The following ACTR6 variants were observed in gnomAD, a reference collection of about 807,000 sequenced individuals.
The protein encoded by ACTR6 is actin related protein 6.
Under a neutral mutation model 52.5 loss-of-function variants are expected in ACTR6, and 50 were observed. The ratio of observed to expected loss-of-function variants is 0.95; its 90% CI spans 0.76 to 1.20. ACTR6 has a LOEUF of 1.20. Ranked by LOEUF, ACTR6 falls within the 50% of genes most tolerant of loss-of-function variation. ACTR6 has a pLI of 0.00. For synonymous variants in ACTR6, 135 were observed against 147.2 expected (o/e 0.92, Z 0.60); for missense variants, 344 against 472.4 (o/e 0.73, Z 2.52).
chr12:100,219,687 A>G (rs1425720930), intron 9 of ACTR6, among the ~76,000 whole-genome samples: 1 of 152,084 alleles, frequency 6.6e-6, no homozygotes, highest in Admixed American at 6.6e-5. Context: ...ATAATTACCA[A>G]CTGTTTTTTT....
intron 8 of ACTR6, among the ~76,000 whole-genome samples, chr12:100,214,307 AATT>A (rs1199984611): frequency 6.6e-6 from 1 of 152,192 alleles, no homozygotes; most frequent in African/African-American, 2.4e-5. Context: ...GGTTTTATAT[AATT>A]ATTTATACTT....
rs1425704912 is a variant in ACTR6 at position 100,212,506 on chromosome 12, C to T, written c.728C>T (p.Thr243Ile). 1 of 1,613,368 alleles carries T rather than the reference C, an allele frequency of 6.2e-7. No homozygotes were observed. Among genetic ancestry groups the T allele is most frequent in the African/African-American group, 1.3e-5 (1 of 74,850 alleles). The part of the protein sequence containing the change: ...MIDYVLPDFS[T>I]IKKGFCKPRE... ...GACTATGTCTTGCCTGACTTCAGTA[C>T]AATTAAAAAGGGCTTTTGTAAGGTA... is the stretch of plus-strand genomic sequence containing the variant. The change falls in exon 8 of 11, where the codon ACA becomes ATA. Residue 243 changes from threonine (T) to isoleucine (I), a missense_variant. Physicochemically the swap from Thr to Ile is moderately conservative, Grantham distance 89. Transcript: ENST00000188312.
chr12:100,207,917 T>C (rs776864618), intron 4 of ACTR6, 131 bp downstream of exon 4: 12 of 1,000,044 alleles, frequency 1.2e-5, no homozygotes, highest in Non-Finnish European at 1.8e-5. Flanking sequence ...CCCCATCAGT[T>C]TGGGAGGCTG....
At chr12:100,201,483 T>C (rs886177481) in intron 1 of ACTR6, among the ~76,000 whole-genome samples, 2 of 152,232 alleles carry the variant, frequency 1.3e-5, no homozygotes, top group Non-Finnish European at 2.9e-5. Context: ...TAAGCAAACC[T>C]AAAGACACGC....
At position 100,220,058 on chromosome 12, in the gene ACTR6, C is replaced by A. The variant is rs145451339; in HGVS notation, c.973C>A (p.Leu325Ile). 129 of 1,613,912 alleles carry A rather than the reference C, an allele frequency of 8.0e-5. No homozygotes were observed. In the African/African-American group the frequency reaches 1.5e-3, roughly 19 times the overall value. Residue 325 changes from leucine (L) to isoleucine (I), a missense_variant, in exon 10 of 11, where the codon CTT becomes ATT. Physicochemically the swap from Leu to Ile is conservative, Grantham distance 5. Transcript: ENST00000188312. ...CATTGTCTTGACAGGAGGAAATTCCCTTTTCCCAGGATTTAGGGATCGGGT... is the reference window on the plus strand; with the variant it reads ...CATTGTCTTGACAGGAGGAAATTCCATTTTCCCAGGATTTAGGGATCGGGT... Reference protein sequence around the residue: ...KNIVLTGGNSLFPGFRDRVYS... With the variant: ...KNIVLTGGNSIFPGFRDRVYS...
At chr12:100,222,961 A>G (rs1421017135) in intron 10 of ACTR6, among the ~76,000 whole-genome samples, 1 of 152,200 alleles carries the variant, frequency 6.6e-6, no homozygotes, top group Admixed American at 6.5e-5. Flanking sequence ...CAGACTGTGA[A>G]AACAGTTCTG....
At chr12:100,201,012 C>T (rs2096109218) in intron 1 of ACTR6, 93 bp downstream of exon 1, 1 of 1,598,034 alleles carries the variant, frequency 6.3e-7, no homozygotes, top group African/African-American at 1.3e-5. Flanking sequence ...ACTGCAGACA[C>T]CCCCGCGCGG....
At chr12:100,210,672 C>T (rs532232968) in intron 6 of ACTR6, among the ~76,000 whole-genome samples, 16 of 151,264 alleles carry the variant, frequency 1.1e-4, no homozygotes, top group Non-Finnish European at 1.8e-4. Flanking sequence ...GAGCCGAGAT[C>T]GCGCCACTTC....
intron 8 of ACTR6, among the ~76,000 whole-genome samples, chr12:100,216,048 T>A (rs974400029): frequency 3.3e-5 from 5 of 152,262 alleles, no homozygotes; most frequent in African/African-American, 1.2e-4. Context: ...TACTAATGTA[T>A]AATGAATTCG....
At chr12:100,202,852 G>T (rs189407780) in intron 1 of ACTR6, among the ~76,000 whole-genome samples, 386 of 147,274 alleles carry the variant, frequency 2.6e-3, no homozygotes, top group African/African-American at 9.5e-3. Flanking sequence ...AGCGAGACTC[G>T]GTCTCAAAAA....
In ACTR6 at chr12:100,218,347, T is replaced by C; in HGVS notation, c.751-68T>C. On this transcript the variant is annotated intron_variant, in intron 8 of 10. Coordinates refer to ENST00000188312, the MANE Select transcript of ACTR6 (RefSeq NM_022496.5). This position sits in a 1 kb window ranked among gnomAD's most constrained non-coding sequence, Gnocchi z 4.2. ...ATATATTATTGCATATATAATTGCA[T>C]ATTACTAATTATTAGTCATGTGAGC... The C allele has an allele frequency of 9.4e-7, 1 of 1,068,026 alleles. No individual in the cohort carries two copies. Among genetic ancestry groups the C allele is most frequent in the Non-Finnish European group, 1.3e-6 (1 of 751,342 alleles). The allele number at this position is 1,068,026 out of a possible 1,614,324, so 66.2% of individuals were successfully genotyped here.
In ACTR6 at chr12:100,218,849, A is replaced by C. The variant is rs2096125849; in HGVS notation, c.922+263A>C. ...GAAATGTATCTCTCCATGAGCATTA[A>C]ATTGCCATATCCATTTTAGGAAAGT... On this transcript the variant is annotated intron_variant, in intron 9 of 10. Coordinates refer to ENST00000188312, the MANE Select transcript of ACTR6 (RefSeq NM_022496.5). The surrounding 1 kb of genome is among the most constrained non-coding windows in gnomAD (Gnocchi z 4.2). Among the ~76,000 whole-genome samples, 1 of 152,152 alleles carries C rather than the reference A, an allele frequency of 6.6e-6. No homozygotes were observed. Among genetic ancestry groups the C allele is most frequent in the South Asian group, 2.1e-4 (1 of 4,834 alleles).
intron 3 of ACTR6, 80 bp downstream of exon 3, chr12:100,205,824 T>C: frequency 1.3e-6 from 1 of 794,648 alleles, no homozygotes; most frequent in Non-Finnish European, 1.9e-6. Flanking sequence ...TTTTAAGATT[T>C]ATAAACTTAT....
chr12:100,222,331 C>T (rs1162504875), intron 10 of ACTR6, among the ~76,000 whole-genome samples: 2 of 147,954 alleles, frequency 1.4e-5, no homozygotes, highest in Non-Finnish European at 3.0e-5. Context: ...GATCACGGCT[C>T]ACTGCACCCT....
At chr12:100,207,013 A>G (rs555753327) in intron 3 of ACTR6, among the ~76,000 whole-genome samples, 18 of 151,592 alleles carry the variant, frequency 1.2e-4, no homozygotes, top group Admixed American at 2.6e-4. Flanking sequence ...TAACAGCCCC[A>G]ATATTTGTTG....
At chr12:100,213,764 T>C (rs2096121872) in intron 8 of ACTR6, among the ~76,000 whole-genome samples, 1 of 152,228 alleles carries the variant, frequency 6.6e-6, no homozygotes. Flanking sequence ...ATAATTTCTA[T>C]TTATCTTTTA....
At chr12:100,208,312 G>A (rs2096116748) in intron 4 of ACTR6, among the ~76,000 whole-genome samples, 1 of 151,528 alleles carries the variant, frequency 6.6e-6, no homozygotes, top group Non-Finnish European at 1.5e-5. Flanking sequence ...TGGGGTTCTG[G>A]TCTTGTTGCC....
intron 2 of ACTR6, 116 bp from the exon 3 acceptor site, chr12:100,205,560 G>A: frequency 1.6e-6 from 1 of 640,698 alleles, no homozygotes; most frequent in Non-Finnish European, 2.5e-6. Flanking sequence ...GGTAACCATA[G>A]ATAGAAATCA....
intron 10 of ACTR6, 101 bp downstream of exon 10, chr12:100,220,247 T>TGAAA: frequency 8.5e-7 from 1 of 1,171,118 alleles, no homozygotes; most frequent in Non-Finnish European, 1.2e-6. Context: ...CGGTGGCAGG[T>TGAAA]TCATTTCACC....
Sources: allele counts gnomAD v4.1 joint callset (sites outside exome capture counted in the v4.1 genomes callset), GRCh38; gene constraint gnomAD v4.1.1; non-coding constraint Gnocchi (gnomAD v3.1); transcripts MANE v1.5; gene names NCBI Gene and HGNC (gene_info 2026-07-23, HGNC 2026-07-21).